ARHGEF4: variants seen among roughly 807,000 people sequenced by gnomAD.
ARHGEF4 encodes the protein APC-stimulated guanine nucleotide exchange factor 1.
In ARHGEF4, 119 loss-of-function variants were observed where a neutral mutation model predicts 162.0. The ratio of observed to expected loss-of-function variants is 0.73; its 90% CI spans 0.63 to 0.86. The LOEUF (loss-of-function observed/expected upper bound fraction) is 0.86, where lower values mean the gene tolerates loss of function less well. ARHGEF4 is among the 40% of genes least tolerant of loss of function. The pLI is 0.00. For synonymous variants in ARHGEF4, 1,014 were observed against 979.9 expected (o/e 1.03, Z -0.65); for missense variants, 2,488 against 2,456.0 (o/e 1.01, Z -0.28).
At chr2:130,954,570 T>TA (rs1684155334) in intron 4 of ARHGEF4, among the ~76,000 whole-genome samples, 1 of 152,192 alleles carries the variant, frequency 6.6e-6, no homozygotes, top group South Asian at 2.1e-4. Flanking sequence ...TAACAAATAT[T>TA]AAAAAATCCT....
At chr2:130,921,298 T>A (rs1204288883) in intron 2 of ARHGEF4, among the ~76,000 whole-genome samples, 1 of 152,128 alleles carries the variant, frequency 6.6e-6, no homozygotes, top group Non-Finnish European at 1.5e-5. Context: ...TCAGGAGATC[T>A]CTCATCAGCA....
At chr2:130,907,044 G>A (rs1024775058) in intron 1 of ARHGEF4, among the ~76,000 whole-genome samples, 2 of 152,012 alleles carry the variant, frequency 1.3e-5, no homozygotes, top group African/African-American at 4.8e-5. Context: ...CCAGTCCCCA[G>A]CCCTTGGAAA....
intron 1 of ARHGEF4, among the ~76,000 whole-genome samples, chr2:130,881,342 C>T (rs933058738): frequency 2.6e-5 from 4 of 152,146 alleles, no homozygotes; most frequent in African/African-American, 4.8e-5. Context: ...AAGCACTCAA[C>T]GCAGAGCTTG....
In ARHGEF4 at chr2:130,885,434, G is replaced by A. The variant is rs1339140066; in HGVS notation, c.40-28552G>A. 4.6e-5 allele frequency among the ~76,000 whole-genome samples: 7 copies of A among 151,504 alleles called. No individual in the cohort carries two copies. In the South Asian group the frequency reaches 6.3e-4, roughly 14 times the overall value. ...ATTCATTCAAGAGGAAAGAACCCTC[G>A]TGGCCCAATCACATCTTAAAGGTCT... On this transcript the variant is annotated intron_variant, in intron 1 of 13. Transcript: ENST00000409359.
chr2:131,031,218 G>C (rs1236112830), intron 5 of ARHGEF4, among the ~76,000 whole-genome samples: 2 of 152,134 alleles, frequency 1.3e-5, no homozygotes. Flanking sequence ...AACAAGAAAG[G>C]GTCACAATTT....
intron 2 of ARHGEF4, among the ~76,000 whole-genome samples, chr2:130,925,659 C>T (rs1682197238): frequency 6.6e-6 from 1 of 152,162 alleles, no homozygotes; most frequent in Non-Finnish European, 1.5e-5. Flanking sequence ...ATGTCACTTC[C>T]TTCTGGCCTC....
chr2:130,911,805 G>A (rs1457808622), intron 1 of ARHGEF4, among the ~76,000 whole-genome samples: 1 of 152,220 alleles, frequency 6.6e-6, no homozygotes, highest in Non-Finnish European at 1.5e-5. Context: ...TGCCTCACAG[G>A]TAGTGCCCTG....
intron 2 of ARHGEF4, among the ~76,000 whole-genome samples, chr2:130,922,838 T>C (rs531926580): frequency 1.1e-4 from 17 of 152,064 alleles, no homozygotes; most frequent in African/African-American, 3.6e-4. Flanking sequence ...GTCTTTCTCT[T>C]ACTGATTCTT....
chr2:130,968,487 G>A (rs61631837), intron 4 of ARHGEF4, among the ~76,000 whole-genome samples: 120,022 of 152,138 alleles, frequency 0.79, 48,406 homozygotes, highest in East Asian at 1. Flanking sequence ...AGGAAGGAAG[G>A]GAACCTGTGT....
chr2:130,909,437 G>A (rs567036045), intron 1 of ARHGEF4, among the ~76,000 whole-genome samples: 1 of 152,268 alleles, frequency 6.6e-6, no homozygotes, highest in South Asian at 2.1e-4. Context: ...ATACCGCATG[G>A]TTCCATTTAT....
intron 2 of ARHGEF4, among the ~76,000 whole-genome samples, chr2:130,924,281 C>CTT (rs56004099): frequency 1.4e-5 from 2 of 140,350 alleles, no homozygotes; most frequent in African/African-American, 5.3e-5. Context: ...GGCATAGTTC[C>CTT]TTTTTTTTTT....
intron 4 of ARHGEF4, among the ~76,000 whole-genome samples, chr2:130,985,723 T>C: frequency 6.6e-6 from 1 of 152,132 alleles, no homozygotes; most frequent in Non-Finnish European, 1.5e-5. Context: ...CACTATTGGG[T>C]AGGTTTCAAG....
chr2:131,011,237 G>A (rs1688430550), intron 4 of ARHGEF4, among the ~76,000 whole-genome samples: 1 of 152,198 alleles, frequency 6.6e-6, no homozygotes, highest in African/African-American at 2.4e-5. Flanking sequence ...AGGCATTTTA[G>A]CACACCTGAC....
chr2:130,909,839 T>C (rs907273758), intron 1 of ARHGEF4, among the ~76,000 whole-genome samples: 2 of 151,992 alleles, frequency 1.3e-5, no homozygotes, highest in Admixed American at 1.3e-4. Flanking sequence ...CCCGAAAAGC[T>C]CCTCATAACA....
chr2:130,961,260 G>T (rs903256763), intron 4 of ARHGEF4, among the ~76,000 whole-genome samples: 29 of 152,234 alleles, frequency 1.9e-4, no homozygotes, highest in African/African-American at 5.3e-4. Context: ...CACCTGGTCT[G>T]CAGGGAGCAG....
chr2:130,997,455 C>T (rs1240825261), intron 4 of ARHGEF4, among the ~76,000 whole-genome samples: 1 of 152,108 alleles, frequency 6.6e-6, no homozygotes, highest in African/African-American at 2.4e-5. Flanking sequence ...GTTTCTTGTG[C>T]TTCACTTACA....
intron 10 of ARHGEF4, among the ~76,000 whole-genome samples, chr2:131,042,767 C>T (rs1186875422): frequency 2.0e-5 from 3 of 152,228 alleles, no homozygotes; most frequent in African/African-American, 7.2e-5. Flanking sequence ...AAACAGGCCA[C>T]CGCCAACCAC....
At chr2:130,882,188 C>G (rs1679236992) in intron 1 of ARHGEF4, among the ~76,000 whole-genome samples, 1 of 152,126 alleles carries the variant, frequency 6.6e-6, no homozygotes, top group African/African-American at 2.4e-5. Flanking sequence ...GAAAGGGTCT[C>G]AACAGGTCCT....
At position 131,046,195 on chromosome 2, in the gene ARHGEF4, T is replaced by C. The variant is rs1669296041; in HGVS notation, c.*6T>C. 4 of 1,608,474 alleles carry C rather than the reference T, an allele frequency of 2.5e-6. No individual in the cohort carries two copies. In the Admixed American group the frequency reaches 6.7e-5, roughly 27 times the overall value. On this transcript the variant is annotated 3_prime_UTR_variant, in exon 14 of 14. Coordinates refer to ENST00000409359, the MANE Select transcript of ARHGEF4 (RefSeq NM_001367493.1). ...TGGCACCCTTCCGCAAGTGAACTGG[T>C]CCCTGCCTGACAGCACCTGCTGGGC...
Sources: gnomAD v4.1 joint callset for allele counts (sites outside exome capture counted in the v4.1 genomes callset) on GRCh38, gnomAD v4.1.1 for gene constraint, MANE v1.5 for transcripts, NCBI Gene and HGNC (gene_info 2026-07-23, HGNC 2026-07-21) for gene names.